Variants in PDZRN4 observed in about 807,000 individuals in gnomAD.
PDZRN4 encodes the protein PDZ domain containing ring finger 4, also known as PDZ domain-containing RING finger protein 4.
Under a neutral mutation model 99.0 loss-of-function variants are expected in PDZRN4, and 70 were observed. The observed-to-expected ratio is 0.71, with a 90% CI of 0.58 to 0.86. PDZRN4 has a LOEUF of 0.86. Among genes scored for constraint, PDZRN4 ranks in the 40% least tolerant of loss-of-function variants. The probability of loss-of-function intolerance (pLI) is 0.00; values close to 1 mark genes in which losing one functional copy is unlikely to be tolerated. For missense variants in PDZRN4, 1,474 were observed against 1,331.2 expected (o/e 1.11, Z -1.67); for synonymous variants, 551 against 501.6 (o/e 1.10, Z -1.32).
At chr12:41,200,435 T>A (rs1479772462) in intron 3 of PDZRN4, among the ~76,000 whole-genome samples, 1 of 152,172 alleles carries the variant, frequency 6.6e-6, no homozygotes, top group African/African-American at 2.4e-5. Flanking sequence ...AAGATCCTTA[T>A]ACCATTGAGT....
At chr12:41,445,622 A>C (rs946197584) in intron 3 of PDZRN4, among the ~76,000 whole-genome samples, 1 of 152,032 alleles carries the variant, frequency 6.6e-6, no homozygotes, top group East Asian at 1.9e-4. Context: ...CACTCAAAAG[A>C]GGTCCCCAGC....
At chr12:41,471,041 A>G (rs1842103876) in intron 3 of PDZRN4, among the ~76,000 whole-genome samples, 1 of 152,188 alleles carries the variant, frequency 6.6e-6, no homozygotes, top group Non-Finnish European at 1.5e-5. Context: ...CAAATCCTCT[A>G]CTTAGCAACA....
chr12:41,360,104 G>A (rs1951954211), intron 3 of PDZRN4, among the ~76,000 whole-genome samples: 1 of 151,942 alleles, frequency 6.6e-6, no homozygotes, highest in Non-Finnish European at 1.5e-5. Context: ...TTCCTAAGAT[G>A]ATTAGCTCCA....
chr12:41,257,055 G>A (rs964863602), intron 3 of PDZRN4, among the ~76,000 whole-genome samples: 2 of 152,100 alleles, frequency 1.3e-5, no homozygotes, highest in African/African-American at 4.8e-5. Context: ...TGTGCCTCCT[G>A]CATCATCTAC....
At chr12:41,209,603 T>A (rs1263236209) in intron 3 of PDZRN4, among the ~76,000 whole-genome samples, 5 of 150,718 alleles carry the variant, frequency 3.3e-5, no homozygotes, top group African/African-American at 1.2e-4. Context: ...GGTGTTTGGT[T>A]TTTTGTCCTT....
chr12:41,527,940 C>T (rs1483257064), intron 5 of PDZRN4, among the ~76,000 whole-genome samples: 1 of 152,190 alleles, frequency 6.6e-6, no homozygotes, highest in Non-Finnish European at 1.5e-5. Context: ...CATTCCAGAC[C>T]AGTCTGCAAG....
At chr12:41,564,753 C>G (rs1939335398) in intron 8 of PDZRN4, among the ~76,000 whole-genome samples, 1 of 152,104 alleles carries the variant, frequency 6.6e-6, no homozygotes, top group East Asian at 1.9e-4. Context: ...CCCACACTGC[C>G]TATGTGGGAG....
chr12:41,316,097 A>G (rs902402150), intron 3 of PDZRN4, among the ~76,000 whole-genome samples: 1 of 152,082 alleles, frequency 6.6e-6, no homozygotes, highest in East Asian at 1.9e-4. Context: ...AACAGGTAGA[A>G]CTGTAACCCA....
chr12:41,356,778 T>A, intron 3 of PDZRN4, among the ~76,000 whole-genome samples: 1 of 151,986 alleles, frequency 6.6e-6, no homozygotes, highest in East Asian at 1.9e-4. Context: ...TCTGACACCA[T>A]CACTGAGTCA....
rs756048812 is a variant in PDZRN4, at chr12:41,477,958, TCTTG to T, written c.844-28494_844-28491del. 1.3e-5 allele frequency: 17 copies of T among 1,295,408 alleles called. No homozygotes were observed. The South Asian group carries it at 1.9e-4, about 14-fold the overall frequency. 80.2% of individuals were successfully genotyped at this position (1,295,408 alleles called of 1,614,324 possible). Reference sequence around the variant, plus strand: ...TTAAATTTATTTCATCATATTATTCTCTTGCTTATCAGTGAGCGAATTAATCTAC... The same window carrying T: ...TTAAATTTATTTCATCATATTATTCTCTTATCAGTGAGCGAATTAATCTAC... On this transcript the variant is annotated intron_variant, in intron 3 of 9. Transcript: ENST00000402685.
chr12:41,367,382 G>C lies in PDZRN4; in HGVS notation c.844-139074G>C, dbSNP rs150610267. On this transcript the variant is annotated intron_variant, in intron 3 of 9. Transcript: ENST00000402685. ...AAAATTAACCAGGCATGGTGGTGCT[G>C]CCTGGACTCCCAACTACTCAGGAGG... is the stretch of plus-strand genomic sequence containing the variant. Among the ~76,000 whole-genome samples the C allele has an allele frequency of 3.0e-3, 451 of 152,100 alleles. 1 individual carries two copies. The highest frequency in any genetic ancestry group is 4.7e-3 in the Non-Finnish European group (317 of 67,982).
At chr12:41,385,404 G>A (rs1281484213) in intron 3 of PDZRN4, among the ~76,000 whole-genome samples, 1 of 152,040 alleles carries the variant, frequency 6.6e-6, no homozygotes, top group Non-Finnish European at 1.5e-5. Flanking sequence ...TTCTAGAACA[G>A]AATGAACAAG....
chr12:41,309,992 G>A (rs1310864880), intron 3 of PDZRN4, among the ~76,000 whole-genome samples: 1 of 151,946 alleles, frequency 6.6e-6, no homozygotes, highest in Non-Finnish European at 1.5e-5. Flanking sequence ...GAGTGCAGTG[G>A]TGTGATCTCA....
intron 3 of PDZRN4, among the ~76,000 whole-genome samples, chr12:41,342,088 T>A (rs1232045761): frequency 6.6e-6 from 1 of 151,772 alleles, no homozygotes; most frequent in Non-Finnish European, 1.5e-5. Context: ...TGGCACAATA[T>A]ATATTGGGAA....
At chr12:41,551,372 C>A (rs902043905) in intron 5 of PDZRN4, among the ~76,000 whole-genome samples, 1 of 151,938 alleles carries the variant, frequency 6.6e-6, no homozygotes. Flanking sequence ...ATGTTGAAAC[C>A]CTAATACAAA....
intron 3 of PDZRN4, among the ~76,000 whole-genome samples, chr12:41,335,630 G>A (rs950371037): frequency 2.0e-5 from 3 of 152,072 alleles, no homozygotes; most frequent in Admixed American, 1.3e-4. Context: ...CAGGATATTA[G>A]TTTTCCACTG....
intron 3 of PDZRN4, among the ~76,000 whole-genome samples, chr12:41,340,201 T>C (rs1043183051): frequency 1.3e-5 from 2 of 152,000 alleles, no homozygotes; most frequent in East Asian, 3.9e-4. Context: ...GATGAATGGA[T>C]AAAGAAAATG....
intron 5 of PDZRN4, among the ~76,000 whole-genome samples, chr12:41,537,210 G>T (rs186098207): frequency 6.6e-6 from 1 of 152,260 alleles, no homozygotes; most frequent in East Asian, 1.9e-4. Flanking sequence ...AGATCTCTGT[G>T]TACTCAGAGG....
chr12:41,374,747 C>G (rs1023486336), intron 3 of PDZRN4, among the ~76,000 whole-genome samples: 4 of 152,080 alleles, frequency 2.6e-5, no homozygotes, highest in African/African-American at 9.7e-5. Context: ...CTGAAAGTAT[C>G]AGTTGGGAGG....
Sources: allele counts gnomAD v4.1 joint callset (sites outside exome capture counted in the v4.1 genomes callset), GRCh38; gene constraint gnomAD v4.1.1; transcripts MANE v1.5; gene names NCBI Gene and HGNC (gene_info 2026-07-23, HGNC 2026-07-21).